FGF14: variants seen among roughly 807,000 people sequenced by gnomAD.
FGF14 encodes fibroblast growth factor 14, also known as fibroblast growth factor homologous factor 4.
Under a neutral mutation model 25.5 loss-of-function variants are expected in FGF14, and 5 were observed. That is an observed-to-expected ratio of 0.20 (90% CI 0.10 to 0.41). FGF14 has a LOEUF of 0.41. Ranked by LOEUF, FGF14 falls within the 10% of genes least tolerant of loss-of-function variation. The pLI, the probability that FGF14 is intolerant of heterozygous loss-of-function variation, is 1.00. For missense variants in FGF14, 222 were observed against 320.1 expected (o/e 0.69, Z 2.34); for synonymous variants, 138 against 118.3 (o/e 1.17, Z -1.08).
chr13:102,244,776 C>T (rs2051777427), intron 1 of FGF14, among the ~76,000 whole-genome samples: 1 of 151,998 alleles, frequency 6.6e-6, no homozygotes, highest in African/African-American at 2.4e-5. Context: ...TGCTCCATCC[C>T]AGCAGAGGCC....
rs750810333 is a variant in FGF14, at chr13:101,875,310, A to G, written c.194-14T>C. ...TGAGCTGGGGATCTGAAAGGCAAAC[A>G]TAGTTATCATAAGCCTCACAATGTG... On this transcript the variant is annotated splice_polypyrimidine_tract_variant and intron_variant, in intron 1 of 4. Transcript: ENST00000376143. 6.5e-7 allele frequency: 1 copy of G among 1,546,862 alleles called. No homozygotes were observed. The highest frequency in any genetic ancestry group is 1.1e-5 in the South Asian group (1 of 89,750).
At chr13:101,967,342 ATGTTTACT>A (rs1175463288) in intron 1 of FGF14, among the ~76,000 whole-genome samples, 1 of 152,214 alleles carries the variant, frequency 6.6e-6, no homozygotes, top group Non-Finnish European at 1.5e-5. Context: ...CCACTGTCCT[ATGTTTACT>A]TGACTGTTTT....
intron 1 of FGF14, among the ~76,000 whole-genome samples, chr13:102,290,198 A>G (rs186147648): frequency 1.3e-5 from 2 of 152,230 alleles, no homozygotes; most frequent in Admixed American, 1.3e-4. Context: ...TGCTTAGGTC[A>G]TAAGACTGAA....
At chr13:101,915,571 G>T (rs573008296) in intron 1 of FGF14, among the ~76,000 whole-genome samples, 2 of 152,110 alleles carry the variant, frequency 1.3e-5, no homozygotes, top group East Asian at 1.9e-4. Context: ...AGACAAAAGC[G>T]CCTGGCTCCT....
chr13:102,385,773 T>C (rs1176446726), intron 1 of FGF14, among the ~76,000 whole-genome samples: 1 of 152,110 alleles, frequency 6.6e-6, no homozygotes, highest in Non-Finnish European at 1.5e-5. Flanking sequence ...ACACTTAAAA[T>C]TTTGTCCCAA....
Position 101,726,735 on chromosome 13 carries a change from A to G in FGF14, c.484T>C (p.Tyr162His). 1 of 1,613,146 alleles carries G rather than the reference A, an allele frequency of 6.2e-7. No homozygotes were observed. The highest frequency in any genetic ancestry group is 8.5e-7 in the Non-Finnish European group (1 of 1,179,390). ...GCTCTACCAGATTCCTGTTGTCTGT[A>G]CAACATGGATGAGTAGATTACATAA... ...NYYVIYSSML[Y>H]RQQESGRAWF... Residue 162 changes from tyrosine (Y) to histidine (H), a missense_variant, in exon 4 of 5, where the codon TAC becomes CAC. Transcript: ENST00000376143.
chr13:102,273,724 T>C (rs541700827), intron 1 of FGF14, among the ~76,000 whole-genome samples: 2 of 152,190 alleles, frequency 1.3e-5, no homozygotes, highest in South Asian at 4.2e-4. Context: ...CTTTTCTCTT[T>C]CTACAGGTCC....
At chr13:102,372,268 T>C (rs1347876764) in intron 1 of FGF14, among the ~76,000 whole-genome samples, 1 of 151,968 alleles carries the variant, frequency 6.6e-6, no homozygotes, top group Non-Finnish European at 1.5e-5. Context: ...TTAGAAAAAA[T>C]AAGAAACCTA....
intron 1 of FGF14, among the ~76,000 whole-genome samples, chr13:102,239,725 T>C (rs1156920733): frequency 6.6e-6 from 1 of 152,220 alleles, no homozygotes; most frequent in African/African-American, 2.4e-5. Context: ...ACAGTTTTCC[T>C]GGGTTTTATG....
intron 3 of FGF14, among the ~76,000 whole-genome samples, chr13:101,840,145 G>A (rs535802483): frequency 6.6e-6 from 1 of 151,900 alleles, no homozygotes; most frequent in Non-Finnish European, 1.5e-5. Context: ...GACACCTGAT[G>A]ATATTTCAAA....
At chr13:101,868,408 A>C (rs1474340351) in intron 3 of FGF14, 4 of 220,262 alleles carry the variant, frequency 1.8e-5, no homozygotes, top group African/African-American at 9.3e-5. Flanking sequence ...TTTCTTTTAA[A>C]AACATTATAA....
At chr13:101,735,661 T>G (rs1229674227) in intron 3 of FGF14, among the ~76,000 whole-genome samples, 1 of 143,118 alleles carries the variant, frequency 7.0e-6, no homozygotes, top group Non-Finnish European at 1.5e-5. Flanking sequence ...TTGCCAATTA[T>G]CCCCATAGGA....
chr13:101,880,617 C>T (rs1033367146), intron 1 of FGF14, among the ~76,000 whole-genome samples: 1 of 152,230 alleles, frequency 6.6e-6, no homozygotes, highest in South Asian at 2.1e-4. Context: ...CCAAACAGCT[C>T]TTGCCCTCAA....
intron 1 of FGF14, among the ~76,000 whole-genome samples, chr13:102,077,965 A>C (rs2043439901): frequency 6.6e-6 from 1 of 152,196 alleles, no homozygotes; most frequent in Admixed American, 6.5e-5. Context: ...TTAAAAACGA[A>C]GGAAATCTTG....
At chr13:102,076,888 T>C (rs509731) in intron 1 of FGF14, among the ~76,000 whole-genome samples, 5,252 of 152,150 alleles carry the variant, frequency 0.035, 285 homozygotes, top group African/African-American at 0.12. Context: ...CACAGAGCTA[T>C]AGTGATTAAA....
rs546576196 is a variant in FGF14 at position 102,335,098 on chromosome 13, T to C, written c.208+66373A>G. 3.3e-5 allele frequency among the ~76,000 whole-genome samples: 5 copies of C among 152,300 alleles called. No individual in the cohort carries two copies. The South Asian group carries it at 8.3e-4, about 25-fold the overall frequency. On this transcript the variant is annotated intron_variant, in intron 1 of 4. Coordinates refer to the FGF14 transcript ENST00000376131. ...TCCTTCAGGGCCCTCCCTGTGTCTC[T>C]GTACGATGAAGGTAGCTCATGGTGA...
At chr13:101,916,984 G>A (rs1201651288), upstream of FGF14, among the ~76,000 whole-genome samples, 1 of 151,746 alleles carries the variant, frequency 6.6e-6, no homozygotes, top group Non-Finnish European at 1.5e-5. Flanking sequence ...GAACCCCGGC[G>A]GGGGTCGCCA....
intron 1 of FGF14, among the ~76,000 whole-genome samples, chr13:102,079,709 A>C (rs968927717): frequency 6.6e-6 from 1 of 152,212 alleles, no homozygotes; most frequent in African/African-American, 2.4e-5. Flanking sequence ...CCGACTCTGT[A>C]CATCACAAAT....
chr13:102,024,629 T>C (rs576713772), intron 1 of FGF14, among the ~76,000 whole-genome samples: 2 of 152,154 alleles, frequency 1.3e-5, no homozygotes, highest in South Asian at 4.1e-4. Flanking sequence ...GTTAAATGTA[T>C]CTATTTTATC....
Sources: allele counts gnomAD v4.1 joint callset (sites outside exome capture counted in the v4.1 genomes callset), GRCh38; gene constraint gnomAD v4.1.1; transcripts MANE v1.5; gene names NCBI Gene and HGNC (gene_info 2026-07-23, HGNC 2026-07-21).